The following EYS variants were observed in gnomAD, a reference collection of about 807,000 sequenced individuals.
EYS encodes the protein protein eyes shut homolog.
EYS carries 250 observed loss-of-function variants against 282.1 expected under a neutral mutation model. That is an observed-to-expected ratio of 0.89 (90% CI 0.80 to 0.98). The LOEUF (loss-of-function observed/expected upper bound fraction) is 0.98, where lower values mean the gene tolerates loss of function less well. Among genes scored for constraint, EYS ranks in the 50% least tolerant of loss-of-function variants. The pLI is 0.00. For missense variants in EYS, 4,016 were observed against 3,709.0 expected (o/e 1.08, Z -2.15); for synonymous variants, 1,355 against 1,282.9 (o/e 1.06, Z -1.20).
At chr6:64,132,684 A>T (rs1774019496) in intron 31 of EYS, among the ~76,000 whole-genome samples, 1 of 151,688 alleles carries the variant, frequency 6.6e-6, no homozygotes, top group Non-Finnish European at 1.5e-5. Context: ...AATATACAGG[A>T]CTCTTAAAAT....
At chr6:64,871,893 A>G (rs999912782) in intron 19 of EYS, among the ~76,000 whole-genome samples, 1 of 152,060 alleles carries the variant, frequency 6.6e-6, no homozygotes, top group Non-Finnish European at 1.5e-5. Flanking sequence ...CCAAGGATTG[A>G]CAACAAAGAA....
At chr6:64,993,681 CT>C (rs1301553972) in intron 14 of EYS, among the ~76,000 whole-genome samples, 2 of 150,008 alleles carry the variant, frequency 1.3e-5, no homozygotes, top group African/African-American at 4.9e-5. Context: ...ACATATGTAA[CT>C]AACCTGCACG....
At chr6:63,988,747 G>A (rs1246515211) in intron 34 of EYS, among the ~76,000 whole-genome samples, 2 of 151,514 alleles carry the variant, frequency 1.3e-5, no homozygotes, top group Non-Finnish European at 3.0e-5. Context: ...CAATCAAGGA[G>A]GAATCATGAA....
At chr6:64,854,790 T>C (rs915438047) in intron 19 of EYS, among the ~76,000 whole-genome samples, 1 of 152,128 alleles carries the variant, frequency 6.6e-6, no homozygotes, top group East Asian at 1.9e-4. Context: ...TTCAATTTTT[T>C]TTTTATATCT....
chr6:64,706,408 A>G (rs922739467), intron 22 of EYS, among the ~76,000 whole-genome samples: 1 of 152,110 alleles, frequency 6.6e-6, no homozygotes, highest in South Asian at 2.1e-4. Flanking sequence ...TTAGTCAAAG[A>G]CTTCATGACC....
chr6:64,303,721 G>T (rs1769320910), intron 30 of EYS, among the ~76,000 whole-genome samples: 1 of 150,878 alleles, frequency 6.6e-6, no homozygotes, highest in Non-Finnish European at 1.5e-5. Context: ...CGCGCCTGTA[G>T]TCCCAGCTAC....
At chr6:63,810,131 C>T (rs748416487) in intron 36 of EYS, among the ~76,000 whole-genome samples, 4 of 150,588 alleles carry the variant, frequency 2.7e-5, no homozygotes, top group African/African-American at 7.3e-5. Context: ...TGTGGTGGCA[C>T]GCGCCTGTAG....
At chr6:64,878,059 C>G (rs1297957914) in intron 19 of EYS, among the ~76,000 whole-genome samples, 2 of 151,870 alleles carry the variant, frequency 1.3e-5, no homozygotes, top group African/African-American at 4.8e-5. Flanking sequence ...ATGGTGAAAC[C>G]CCATCTTTAC....
Position 65,063,754 on chromosome 6 carries a change from T to A in EYS, c.2024-6027A>T, listed in dbSNP as rs1773649018. On this transcript the variant is annotated intron_variant, in intron 12 of 42. Coordinates refer to ENST00000503581, the MANE Select transcript of EYS (RefSeq NM_001142800.2). ...ATTCAAATTTTTTTCTTCCCAAAAA[T>A]GGCACAAAGAGTTATCTAAATGGTG... is the stretch of plus-strand genomic sequence containing the variant. Among the ~76,000 whole-genome samples the A allele has an allele frequency of 1.3e-5, 2 of 152,068 alleles. 1 individual carries two copies. Among genetic ancestry groups the A allele is most frequent in the South Asian group, 4.1e-4 (2 of 4,830 alleles).
chr6:63,802,948 C>T (rs1770816078), intron 37 of EYS, among the ~76,000 whole-genome samples: 1 of 152,122 alleles, frequency 6.6e-6, no homozygotes, highest in African/African-American at 2.4e-5. Context: ...GCATTAATTC[C>T]TCTGCATACA....
chr6:65,162,971 C>T (rs1412758301), intron 12 of EYS, among the ~76,000 whole-genome samples: 1 of 150,110 alleles, frequency 6.7e-6, no homozygotes, highest in Non-Finnish European at 1.5e-5. Context: ...ATTTTTCATG[C>T]TCTTGTTTTT....
At chr6:63,811,698 T>C (rs1183311101) in intron 36 of EYS, among the ~76,000 whole-genome samples, 1 of 152,196 alleles carries the variant, frequency 6.6e-6, no homozygotes, top group Non-Finnish European at 1.5e-5. Context: ...AATTTCAAAC[T>C]GATCATACAC....
intron 29 of EYS, among the ~76,000 whole-genome samples, chr6:64,351,759 A>G (rs371228741): frequency 2.8e-4 from 42 of 151,684 alleles, no homozygotes; most frequent in African/African-American, 9.6e-4. Context: ...TTTCCTTCTG[A>G]AAAGCAGTCA....
intron 24 of EYS, among the ~76,000 whole-genome samples, chr6:64,614,077 A>T (rs1038608188): frequency 1.3e-5 from 2 of 152,070 alleles, no homozygotes; most frequent in African/African-American, 4.8e-5. Context: ...TAGGACTGTT[A>T]AAGGCTTACC....
chr6:64,332,564 A>G (rs1165692425), intron 29 of EYS, among the ~76,000 whole-genome samples: 1 of 152,096 alleles, frequency 6.6e-6, no homozygotes. Context: ...GCCAGCTAAA[A>G]CCAGCAGTGA....
chr6:64,609,166 T>C (rs1232090255), intron 24 of EYS, among the ~76,000 whole-genome samples: 2 of 152,096 alleles, frequency 1.3e-5, no homozygotes, highest in Non-Finnish European at 2.9e-5. Context: ...ATATGAGAAC[T>C]CTCTGTATTT....
At chr6:64,655,516 A>T (rs1768712997) in intron 22 of EYS, among the ~76,000 whole-genome samples, 1 of 151,870 alleles carries the variant, frequency 6.6e-6, no homozygotes, top group African/African-American at 2.4e-5. Flanking sequence ...CACAGTAATT[A>T]ACATAGTAAT....
chr6:64,915,202 C>T (rs1362891144), intron 15 of EYS, among the ~76,000 whole-genome samples: 1 of 152,092 alleles, frequency 6.6e-6, no homozygotes, highest in Admixed American at 6.6e-5. Context: ...TACCTATTTA[C>T]TAATCCTACA....
chr6:64,372,058 A>G (rs1202147254), intron 29 of EYS, among the ~76,000 whole-genome samples: 1 of 147,172 alleles, frequency 6.8e-6, no homozygotes, highest in Non-Finnish European at 1.5e-5. Context: ...TCTTGTCATC[A>G]TGTTGTTAGC....
Sources: gnomAD v4.1 joint callset for allele counts (sites outside exome capture counted in the v4.1 genomes callset) on GRCh38, gnomAD v4.1.1 for gene constraint, MANE v1.5 for transcripts, NCBI Gene and HGNC (gene_info 2026-07-23, HGNC 2026-07-21) for gene names.